The following PRR11 variants were observed in gnomAD, a reference collection of about 807,000 sequenced individuals.
PRR11 encodes proline-rich protein 11.
In PRR11, 30 loss-of-function variants were observed where a neutral mutation model predicts 45.6. That is an observed-to-expected ratio of 0.66 (90% CI 0.49 to 0.89). The LOEUF (loss-of-function observed/expected upper bound fraction) is 0.89, where lower values mean the gene tolerates loss of function less well. PRR11 is among the 40% of genes least tolerant of loss of function. The pLI is 0.00. For missense variants in PRR11, 373 were observed against 424.8 expected (o/e 0.88, Z 1.07); for synonymous variants, 128 against 153.5 (o/e 0.83, Z 1.23).
chr17:59,199,262 G>C (rs540486590), intron 9 of PRR11, among the ~76,000 whole-genome samples: 1 of 152,302 alleles, frequency 6.6e-6, no homozygotes, highest in Admixed American at 6.5e-5. Context: ...TCCACCATGA[G>C]TGTCAGGAAG....
chr17:59,159,739 A>C (rs1038486752), intron 1 of PRR11, among the ~76,000 whole-genome samples: 6 of 152,166 alleles, frequency 3.9e-5, no homozygotes, highest in African/African-American at 1.4e-4. Context: ...CCTTTCTCTG[A>C]AATGTTTCCA....
chr17:59,174,778 C>G (rs960955662), intron 2 of PRR11, among the ~76,000 whole-genome samples: 1 of 152,164 alleles, frequency 6.6e-6, no homozygotes, highest in African/African-American at 2.4e-5. Context: ...CCCTGGAGCT[C>G]TAGGAAACGC....
chr17:59,190,556 T>C (rs1871240802), intron 4 of PRR11, among the ~76,000 whole-genome samples: 1 of 151,994 alleles, frequency 6.6e-6, no homozygotes, highest in African/African-American at 2.4e-5. Flanking sequence ...TAGAAGGCTG[T>C]ATCAGTCAAA....
chr17:59,170,683 T>G (rs1240268064), intron 2 of PRR11, among the ~76,000 whole-genome samples: 2 of 152,156 alleles, frequency 1.3e-5, no homozygotes, highest in African/African-American at 2.4e-5. Flanking sequence ...CCTCCAAAAG[T>G]GCTGGGAATG....
intron 1 of PRR11, among the ~76,000 whole-genome samples, chr17:59,165,678 G>T (rs1434827143): frequency 6.6e-6 from 1 of 152,046 alleles, no homozygotes; most frequent in Non-Finnish European, 1.5e-5. Context: ...TGTAATCCCA[G>T]CTACTCAGGA....
chr17:59,156,708 T>A (rs2046626315), intron 1 of PRR11, among the ~76,000 whole-genome samples: 1 of 151,858 alleles, frequency 6.6e-6, no homozygotes, highest in South Asian at 2.1e-4. Flanking sequence ...TCGCCTAGGC[T>A]GGAGTACAGT....
intron 5 of PRR11, among the ~76,000 whole-genome samples, chr17:59,194,265 C>CCACACACACACACACA (rs1277044945): frequency 1.1e-5 from 1 of 90,440 alleles, no homozygotes; most frequent in African/African-American, 6.5e-5. Context: ...TCTTCCCAAT[C>CCACACACACACACACA]CTCACACACA....
chr17:59,180,509 TG>T (rs1568322707), intron 2 of PRR11, among the ~76,000 whole-genome samples: 2,988 of 127,718 alleles, frequency 0.023, 227 homozygotes, highest in African/African-American at 0.088. Context: ...TTTTTTTTTT[TG>T]TTTTTTTTGT....
At chr17:59,191,769 A>T (rs1021299695) in intron 4 of PRR11, among the ~76,000 whole-genome samples, 1 of 151,878 alleles carries the variant, frequency 6.6e-6, no homozygotes, top group African/African-American at 2.4e-5. Context: ...GAAAATATCC[A>T]CTCCAAACTC....
chr17:59,183,285 G>A (rs1459890083), intron 2 of PRR11, among the ~76,000 whole-genome samples: 1 of 152,172 alleles, frequency 6.6e-6, no homozygotes, highest in African/African-American at 2.4e-5. Context: ...AAAGCCTGAA[G>A]CATTTTGGGG....
At chr17:59,174,853 C>G in intron 2 of PRR11, 1 of 1,260,644 alleles carries the variant, frequency 7.9e-7, no homozygotes, top group South Asian at 1.2e-5. Context: ...AAACAAACGC[C>G]CCTTAAGAAG....
chr17:59,166,911 C>T (rs2046682749), intron 1 of PRR11, among the ~76,000 whole-genome samples: 1 of 152,058 alleles, frequency 6.6e-6, no homozygotes, highest in South Asian at 2.1e-4. Flanking sequence ...TGCCTGTAAT[C>T]CCAGCACTTT....
chr17:59,190,464 A>T (rs2046835656), intron 4 of PRR11, among the ~76,000 whole-genome samples: 1 of 151,910 alleles, frequency 6.6e-6, no homozygotes, highest in Admixed American at 6.6e-5. Flanking sequence ...TGGGCGACAC[A>T]GCAAGACTCC....
chr17:59,193,707 A>G lies in PRR11; in HGVS notation c.618A>G (p.Arg206=), dbSNP rs750057083. The G allele has an allele frequency of 6.2e-7, 1 of 1,614,078 alleles. No individual in the cohort carries two copies. The highest frequency in any genetic ancestry group is 2.2e-5 in the East Asian group (1 of 44,886). ...CACCACTAGCACCTGTGTTGCTCAG[A>G]AAACCCAGTCTCGCTAAAGCACTTC... ...PPPPLAPVLL[R]KPSLAKALQA... is the part of the protein sequence containing the mutation. Residue 206 remains arginine (R), a synonymous_variant, in exon 5 of 10, where the codon AGA becomes AGG. Transcript: ENST00000262293.
intron 1 of PRR11, among the ~76,000 whole-genome samples, chr17:59,164,548 C>A (rs1346191862): frequency 1.3e-5 from 2 of 151,850 alleles, no homozygotes; most frequent in Non-Finnish European, 2.9e-5. Context: ...AGATGGAAGA[C>A]AAAGAAAAGG....
At chr17:59,172,640 C>T (rs1033125510) in intron 2 of PRR11, among the ~76,000 whole-genome samples, 1 of 152,204 alleles carries the variant, frequency 6.6e-6, no homozygotes, top group Non-Finnish European at 1.5e-5. Context: ...CCGGCCAGCC[C>T]GGGCAGTGAG....
intron 2 of PRR11, among the ~76,000 whole-genome samples, chr17:59,171,155 C>G (rs1445007055): frequency 6.6e-6 from 1 of 151,868 alleles, no homozygotes; most frequent in Admixed American, 6.6e-5. Flanking sequence ...CCCAGCTACT[C>G]GGGAGGCTGA....
At chr17:59,196,261 C>T (rs2046865556) in intron 7 of PRR11, among the ~76,000 whole-genome samples, 1 of 152,050 alleles carries the variant, frequency 6.6e-6, no homozygotes, top group African/African-American at 2.4e-5. Context: ...ACTATATCTA[C>T]AATATGATTA....
In PRR11 at chr17:59,179,510, G is replaced by A; in HGVS notation, c.129-5544G>A. The A allele has an allele frequency of 4.7e-6, 6 of 1,270,618 alleles. No homozygotes were observed. The South Asian group carries it at 8.0e-5, about 17-fold the overall frequency. The allele number at this position is 1,270,618 out of a possible 1,614,324, so 78.7% of individuals were successfully genotyped here. A position where few individuals can be genotyped will look rare whatever the true frequency, so the allele number is the denominator to read the frequency against. On this transcript the variant is annotated intron_variant, in intron 2 of 9. Transcript: ENST00000262293. Reference sequence around the variant, plus strand: ...ATCATCTCCTAAGTGTCCCTCATGAGTGATCACTTCTGAGTCCTCCCGCAT... The same window carrying A: ...ATCATCTCCTAAGTGTCCCTCATGAATGATCACTTCTGAGTCCTCCCGCAT...
Sources: gnomAD v4.1 joint callset for allele counts (sites outside exome capture counted in the v4.1 genomes callset) on GRCh38, gnomAD v4.1.1 for gene constraint, MANE v1.5 for transcripts, NCBI Gene and HGNC (gene_info 2026-07-23, HGNC 2026-07-21) for gene names.